Variants in CUX1 observed in about 807,000 individuals in gnomAD.
CUX1 encodes the protein protein CASP.
Under a neutral mutation model 158.8 loss-of-function variants are expected in CUX1, and 31 were observed. That is an observed-to-expected ratio of 0.20 (90% CI 0.15 to 0.26). CUX1 has a LOEUF of 0.26. Ranked by LOEUF, CUX1 falls within the 10% of genes least tolerant of loss-of-function variation. The pLI, the probability that CUX1 is intolerant of heterozygous loss-of-function variation, is 1.00. For synonymous variants in CUX1, 879 were observed against 862.1 expected (o/e 1.02, Z -0.34); for missense variants, 1,589 against 2,014.6 (o/e 0.79, Z 4.04).
At position 102,150,798 on chromosome 7, in the gene CUX1, C is replaced by T. The variant is rs186340446; in HGVS notation, c.675-7762C>T. Among the ~76,000 whole-genome samples, 4 of 152,298 alleles carry T rather than the reference C, an allele frequency of 2.6e-5. No homozygotes were observed. In the East Asian group the frequency reaches 7.7e-4, roughly 29 times the overall value. ...AATGATCTGTGGTGAACTGATTGAACGAACTACATATTCTAGGCCAAACTG... is the reference window on the plus strand; with the variant it reads ...AATGATCTGTGGTGAACTGATTGAATGAACTACATATTCTAGGCCAAACTG... On this transcript the variant is annotated intron_variant, in intron 8 of 23. Transcript: ENST00000292535.
chr7:101,971,186 C>T (rs1458380877), intron 2 of CUX1, among the ~76,000 whole-genome samples: 2 of 152,216 alleles, frequency 1.3e-5, no homozygotes, highest in African/African-American at 4.8e-5. Flanking sequence ...GAGTCTGGGT[C>T]GGTGTGACCC....
chr7:102,234,402 C>G (rs980644090), intron 22 of CUX1, among the ~76,000 whole-genome samples, 162 bp downstream of exon 22: 7 of 152,152 alleles, frequency 4.6e-5, no homozygotes, highest in Non-Finnish European at 8.8e-5. Flanking sequence ...TAATGAGTAC[C>G]TAAGAGGGCT....
intron 10 of CUX1, among the ~76,000 whole-genome samples, chr7:102,171,431 A>C (rs1011596361): frequency 4.7e-5 from 7 of 149,586 alleles, no homozygotes; most frequent in South Asian, 2.1e-4. Context: ...CTGATCCCTC[A>C]GTTTTGGGTT....
upstream of CUX1, among the ~76,000 whole-genome samples, chr7:101,816,367 C>T (rs902685267): frequency 8.4e-5 from 12 of 142,958 alleles, no homozygotes; most frequent in Non-Finnish European, 1.2e-4. Flanking sequence ...CCACTGCCCC[C>T]GGTGTCTGCC....
chr7:102,113,881 T>A (rs76512196), intron 7 of CUX1, among the ~76,000 whole-genome samples: 4,546 of 152,250 alleles, frequency 0.03, 239 homozygotes, highest in African/African-American at 0.1. Context: ...AAAAAAAATA[T>A]AGCAATTCTG....
chr7:102,256,652 T>C lies in CUX1; in HGVS notation c.*7610T>C, dbSNP rs1789922820. On this transcript the variant is annotated 3_prime_UTR_variant, in exon 24 of 24. Coordinates refer to ENST00000292535, the MANE Select transcript of CUX1 (RefSeq NM_181552.4). The stretch of plus-strand genomic sequence containing the variant: ...CCAACGTGTGAGGGAGTTGCTGAGT[T>C]GAAGAATGCTCGCTTGAGGAGCTTC... The C allele has an allele frequency of 1.0e-6, 1 of 985,332 alleles. No individual in the cohort carries two copies. Among genetic ancestry groups the C allele is most frequent in the African/African-American group, 1.7e-5 (1 of 57,244 alleles). The allele number at this position is 985,332 out of a possible 1,614,324, so 61.0% of individuals were successfully genotyped here.
In CUX1 at chr7:102,070,540, C is replaced by A. The variant is rs1395019634; in HGVS notation, c.268+123C>A. ...AATACACCATCAGTGGCAACTTCCC[C>A]CCAAGAAACCAGGGAGTGCAGGACA... On this transcript the variant is annotated intron_variant, in intron 4 of 23. Coordinates refer to ENST00000292535, the MANE Select transcript of CUX1 (RefSeq NM_181552.4). 1.2e-5 allele frequency: 8 copies of A among 685,076 alleles called. No homozygotes were observed. In the East Asian group the frequency reaches 2.2e-4, roughly 19 times the overall value. The allele number at this position is 685,076 out of a possible 1,614,324, so 42.4% of individuals were successfully genotyped here.
intron 8 of CUX1, among the ~76,000 whole-genome samples, chr7:102,119,026 A>T (rs562734003): frequency 8.5e-5 from 13 of 152,200 alleles, no homozygotes; most frequent in Non-Finnish European, 1.9e-4. Context: ...CTGGGATTAC[A>T]GGCGTGAGCC....
chr7:102,128,523 G>A lies in CUX1; in HGVS notation c.674+13250G>A, dbSNP rs1390720674. ...CCCCAGCAGGGCCTGTTTGTGGAGT[G>A]GCCTTCAGGCAGGGCTGCATCCAGG... On this transcript the variant is annotated intron_variant, in intron 8 of 23. Coordinates refer to ENST00000292535, the MANE Select transcript of CUX1 (RefSeq NM_181552.4). Among the ~76,000 whole-genome samples the A allele has an allele frequency of 1.1e-4, 16 of 150,288 alleles. No homozygotes were observed. In the Admixed American group the frequency reaches 1.1e-3, roughly 10 times the overall value.
chr7:101,984,656 A>C (rs1195925618), intron 2 of CUX1, among the ~76,000 whole-genome samples: 1 of 152,140 alleles, frequency 6.6e-6, no homozygotes, highest in Non-Finnish European at 1.5e-5. Flanking sequence ...GCAGATGGGC[A>C]GTCGGGAGGG....
chr7:102,022,423 G>A (rs2129322209), intron 2 of CUX1, among the ~76,000 whole-genome samples: 1 of 152,162 alleles, frequency 6.6e-6, no homozygotes, highest in Middle Eastern at 3.4e-3. Context: ...TTTGAAATCA[G>A]CCTGGGCAAC....
At chr7:102,100,976 C>T (rs1829709755) in intron 5 of CUX1, among the ~76,000 whole-genome samples, 1 of 152,160 alleles carries the variant, frequency 6.6e-6, no homozygotes, top group Non-Finnish European at 1.5e-5. Context: ...AGCTTTTACT[C>T]ATGGCAGAAG....
At chr7:101,877,395 A>T (rs904005137) in intron 1 of CUX1, among the ~76,000 whole-genome samples, 3 of 152,160 alleles carry the variant, frequency 2.0e-5, no homozygotes, top group Non-Finnish European at 4.4e-5. Flanking sequence ...TTTATTTTTT[A>T]AAATTAACAG....
intron 3 of CUX1, among the ~76,000 whole-genome samples, chr7:102,061,980 T>G (rs1210824522): frequency 1.3e-5 from 2 of 152,190 alleles, no homozygotes; most frequent in African/African-American, 4.8e-5. Context: ...GATCATTTCT[T>G]GTTCATGTGT....
chr7:102,092,916 AAAAAAAAAAAAAAAAAGAAAG>A (rs1347923955), intron 4 of CUX1, among the ~76,000 whole-genome samples: 1 of 77,708 alleles, frequency 1.3e-5, no homozygotes, highest in African/African-American at 8.2e-5. Context: ...CCGTCTCAAA[AAAAAAAAAAAAAAAAAGAAAG>A]AAAGAAAAGA....
At chr7:102,153,846 T>C (rs891756925) in intron 8 of CUX1, 2 of 152,208 alleles carry the variant, frequency 1.3e-5, no homozygotes, top group Admixed American at 6.6e-5. Context: ...GGGTGTGATA[T>C]GAGGCAGGAC....
At chr7:101,972,982 A>G (rs1812161730) in intron 2 of CUX1, among the ~76,000 whole-genome samples, 1 of 152,224 alleles carries the variant, frequency 6.6e-6, no homozygotes, top group African/African-American at 2.4e-5. Flanking sequence ...CAGTGCAGCC[A>G]GCCACTGCCT....
Position 102,024,230 on chromosome 7 carries a change from G to A in CUX1, c.142-3868G>A, listed in dbSNP as rs559779320. 2.6e-3 allele frequency among the ~76,000 whole-genome samples: 390 copies of A among 152,308 alleles called. 2 individuals are homozygous for A. The highest frequency in any genetic ancestry group is 9.1e-3 in the African/African-American group (377 of 41,562). On this transcript the variant is annotated intron_variant, in intron 2 of 23. Coordinates refer to ENST00000292535, the MANE Select transcript of CUX1 (RefSeq NM_181552.4). Reference sequence around the variant, plus strand: ...CAGCTCTGCCCTCTTCCATTTCTCTGCTACAGTCTGAAATCTCTCAGCCAC... The same window carrying A: ...CAGCTCTGCCCTCTTCCATTTCTCTACTACAGTCTGAAATCTCTCAGCCAC...
At chr7:102,171,418 T>G (rs1252070983) in intron 10 of CUX1, among the ~76,000 whole-genome samples, 4 of 151,896 alleles carry the variant, frequency 2.6e-5, no homozygotes, top group African/African-American at 9.7e-5. Flanking sequence ...GGCACCATTA[T>G]CTCTGATCCC....
Sources: allele counts gnomAD v4.1 joint callset (sites outside exome capture counted in the v4.1 genomes callset), GRCh38; gene constraint gnomAD v4.1.1; transcripts MANE v1.5; gene names NCBI Gene and HGNC (gene_info 2026-07-23, HGNC 2026-07-21).